TAF3: variants seen among roughly 807,000 people sequenced by gnomAD.
TAF3 encodes transcription initiation factor TFIID subunit 3.
Under a neutral mutation model 80.6 loss-of-function variants are expected in TAF3, and 7 were observed. The ratio of observed to expected loss-of-function variants is 0.09; its 90% confidence interval spans 0.05 to 0.16. TAF3 has a LOEUF of 0.16. TAF3 is among the 10% of genes least tolerant of loss of function. The pLI is 1.00. For synonymous variants in TAF3, 444 were observed against 446.1 expected (o/e 1.00, Z 0.06); for missense variants, 921 against 1,140.2 (o/e 0.81, Z 2.77).
intron 4 of TAF3, among the ~76,000 whole-genome samples, chr10:8,000,739 A>T (rs1025087706): frequency 1.3e-5 from 2 of 152,230 alleles, no homozygotes; most frequent in Admixed American, 1.3e-4. Flanking sequence ...AGATTGCACC[A>T]GCACACTTTA....
intron 2 of TAF3, among the ~76,000 whole-genome samples, chr10:7,934,920 A>G (rs948315080): frequency 2.8e-4 from 42 of 152,300 alleles, no homozygotes; most frequent in African/African-American, 8.7e-4. Flanking sequence ...ATAAAACCAA[A>G]GTCTGTACCG....
chr10:7,886,123 C>G (rs897175936), intron 2 of TAF3, among the ~76,000 whole-genome samples: 1 of 151,968 alleles, frequency 6.6e-6, no homozygotes, highest in African/African-American at 2.4e-5. Flanking sequence ...GTGGGGGGGT[C>G]TCACTATGTT....
At chr10:7,923,734 C>T (rs1439207858) in intron 2 of TAF3, among the ~76,000 whole-genome samples, 3 of 151,924 alleles carry the variant, frequency 2.0e-5, no homozygotes, top group African/African-American at 7.2e-5. Context: ...AAAGGACTCC[C>T]CCAATTTTTT....
chr10:7,918,948 C>T (rs1319656915), intron 2 of TAF3, among the ~76,000 whole-genome samples: 4 of 152,088 alleles, frequency 2.6e-5, no homozygotes, highest in African/African-American at 9.7e-5. Context: ...CAGCTTGCTG[C>T]GTGGTATACA....
chr10:7,999,567 C>A (rs1831923714), intron 4 of TAF3, among the ~76,000 whole-genome samples: 1 of 151,670 alleles, frequency 6.6e-6, no homozygotes, highest in Non-Finnish European at 1.5e-5. Context: ...AGCAGTTCTC[C>A]CGCCCCAGCA....
chr10:7,924,722 T>A (rs979355658), intron 2 of TAF3, among the ~76,000 whole-genome samples: 36 of 151,914 alleles, frequency 2.4e-4, no homozygotes, highest in African/African-American at 8.0e-4. Context: ...ACGCTCATAA[T>A]CTCACCACCC....
chr10:7,896,510 C>G (rs116947071), intron 2 of TAF3, among the ~76,000 whole-genome samples: 1 of 152,312 alleles, frequency 6.6e-6, no homozygotes, highest in Non-Finnish European at 1.5e-5. Flanking sequence ...TCATAGATCT[C>G]TAGTTGCCAT....
At chr10:7,924,765 TGTG>T (rs1283464440) in intron 2 of TAF3, among the ~76,000 whole-genome samples, 1 of 152,086 alleles carries the variant, frequency 6.6e-6, no homozygotes, top group African/African-American at 2.4e-5. Context: ...TTTTTTTTCT[TGTG>T]GTGAGAGAGG....
intron 2 of TAF3, among the ~76,000 whole-genome samples, chr10:7,897,702 C>T (rs778602000): frequency 6.6e-6 from 1 of 150,878 alleles, no homozygotes; most frequent in Non-Finnish European, 1.5e-5. Flanking sequence ...AGACTCTCAC[C>T]CAGGTTGAGT....
intron 2 of TAF3, among the ~76,000 whole-genome samples, chr10:7,854,737 G>A (rs971820253): frequency 6.6e-6 from 1 of 152,134 alleles, no homozygotes; most frequent in Non-Finnish European, 1.5e-5. Context: ...GTGTGTATTC[G>A]AAGGGGGCTT....
intron 2 of TAF3, among the ~76,000 whole-genome samples, chr10:7,858,411 A>G (rs1837104525): frequency 6.6e-6 from 1 of 152,196 alleles, no homozygotes; most frequent in East Asian, 1.9e-4. Context: ...CCTGGATGAT[A>G]CAATCGTTTA....
At chr10:7,876,479 G>A (rs1448644713) in intron 2 of TAF3, among the ~76,000 whole-genome samples, 2 of 152,070 alleles carry the variant, frequency 1.3e-5, no homozygotes, top group Admixed American at 6.5e-5. Flanking sequence ...TATAAGAATC[G>A]AATATGAAAG....
chr10:7,961,774 G>T (rs1831501856), intron 2 of TAF3, among the ~76,000 whole-genome samples: 1 of 152,092 alleles, frequency 6.6e-6, no homozygotes, highest in African/African-American at 2.4e-5. Flanking sequence ...AATAATCATT[G>T]TCCTTTTCTA....
At chr10:7,979,203 G>A (rs891546426) in intron 4 of TAF3, among the ~76,000 whole-genome samples, 1 of 151,976 alleles carries the variant, frequency 6.6e-6, no homozygotes, top group African/African-American at 2.4e-5. Flanking sequence ...AATTAGCCAG[G>A]TGTGGTGGCA....
chr10:7,831,558 C>T (rs1426398099), intron 2 of TAF3, among the ~76,000 whole-genome samples: 1 of 152,136 alleles, frequency 6.6e-6, no homozygotes, highest in Non-Finnish European at 1.5e-5. Flanking sequence ...GTTGGCCAGG[C>T]TGGTCTTGAT....
intron 2 of TAF3, among the ~76,000 whole-genome samples, chr10:7,929,755 G>T (rs1837851367): frequency 6.6e-6 from 1 of 152,126 alleles, no homozygotes; most frequent in African/African-American, 2.4e-5. Flanking sequence ...TAAGAATATG[G>T]AGTACTCTTT....
At chr10:7,941,442 A>G (rs978630328) in intron 2 of TAF3, among the ~76,000 whole-genome samples, 2 of 152,232 alleles carry the variant, frequency 1.3e-5, no homozygotes, top group East Asian at 3.8e-4. Context: ...ACAGGGGACC[A>G]TGGGGAAAGT....
At chr10:7,903,726 A>G (rs1837581446) in intron 2 of TAF3, among the ~76,000 whole-genome samples, 1 of 152,202 alleles carries the variant, frequency 6.6e-6, no homozygotes, top group African/African-American at 2.4e-5. Flanking sequence ...TCTCCTTTGA[A>G]TTTAATCATC....
At chr10:7,952,163 C>T (rs999602064) in intron 2 of TAF3, among the ~76,000 whole-genome samples, 1 of 152,068 alleles carries the variant, frequency 6.6e-6, no homozygotes, top group Non-Finnish European at 1.5e-5. Context: ...GATATGGAAT[C>T]TTAGTTGTAA....
Sources: allele counts gnomAD v4.1 joint callset (sites outside exome capture counted in the v4.1 genomes callset), GRCh38; gene constraint gnomAD v4.1.1; transcripts MANE v1.5; gene names NCBI Gene and HGNC (gene_info 2026-07-23, HGNC 2026-07-21).